The following DCTN1 variants were observed in gnomAD, a reference collection of about 807,000 sequenced individuals.
DCTN1 encodes the protein dynactin subunit 1, also known as 150 kDa dynein-associated polypeptide.
Under a neutral mutation model 161.2 loss-of-function variants are expected in DCTN1, and 61 were observed. The observed-to-expected ratio is 0.38, with a 90% confidence interval of 0.31 to 0.47. DCTN1 has a LOEUF of 0.47. Ranked by LOEUF, DCTN1 falls within the 20% of genes least tolerant of loss-of-function variation. The pLI, the probability that DCTN1 is intolerant of heterozygous loss-of-function variation, is 0.99. For missense variants in DCTN1, 1,404 were observed against 1,623.7 expected (o/e 0.86, Z 2.33); for synonymous variants, 653 against 632.4 (o/e 1.03, Z -0.49).
rs747769504 is a variant in DCTN1 at position 74,366,357 on chromosome 2, T to A, written c.2647A>T (p.Ser883Cys). ...TGGCGCAGACACTCATAGGGGCTGCTGGAGGGGGTCCCATAGATCTGCAGG... is the reference window on the plus strand; with the variant it reads ...TGGCGCAGACACTCATAGGGGCTGCAGGAGGGGGTCCCATAGATCTGCAGG... ...ASEQIYGTPS[S>C]SPYECLRQSC... is the part of the protein sequence containing the mutation. Residue 883 changes from serine to cysteine, a missense_variant, in exon 23 of 32, where the codon AGC becomes TGC. Ser to Cys is a moderately radical substitution (Grantham distance 112). Coordinates refer to ENST00000628224, the MANE Select transcript of DCTN1 (RefSeq NM_004082.5). 215 of 1,614,118 alleles carry A rather than the reference T, an allele frequency of 1.3e-4. No homozygotes were observed. The highest frequency in any genetic ancestry group is 1.8e-4 in the Non-Finnish European group (209 of 1,180,044).
rs912438521 is a variant in DCTN1, at chr2:74,369,069, G to A, written c.1701+29C>T. 2 of 1,607,638 alleles carry A rather than the reference G, an allele frequency of 1.2e-6. No homozygotes were observed. Among genetic ancestry groups the A allele is most frequent in the Non-Finnish European group, 8.5e-7 (1 of 1,174,682 alleles). Reference sequence around the variant, plus strand: ...CCCATACCAGTTCATCCCAGGCAGGGCTCCCTCAGACCCACACACTTTCCT... The same window carrying A: ...CCCATACCAGTTCATCCCAGGCAGGACTCCCTCAGACCCACACACTTTCCT... On this transcript the variant is annotated intron_variant, in intron 15 of 31. Transcript: ENST00000628224. This position sits in a 1 kb window ranked among gnomAD's most constrained non-coding sequence, Gnocchi z 4.9.
rs770626130 is a variant in DCTN1, at chr2:74,361,382, G to A, written c.*117C>T. ...TGAAAGGGTGGGAGTGAAGCTGAAC[G>A]GGGCAGGAAGAGCTTAACCCACGTT... On this transcript the variant is annotated 3_prime_UTR_variant, in exon 32 of 32. Coordinates refer to ENST00000628224, the MANE Select transcript of DCTN1 (RefSeq NM_004082.5). 4.2e-5 allele frequency: 61 copies of A among 1,441,542 alleles called. No homozygotes were observed. Among genetic ancestry groups the A allele is most frequent in the African/African-American group, 1.5e-4 (11 of 71,780 alleles). The allele number at this position is 1,441,542 out of a possible 1,614,324, so 89.3% of individuals were successfully genotyped here.
chr2:74,391,777 G>C (rs117496795), intron 1 of DCTN1: 1 of 453,524 alleles, frequency 2.2e-6, no homozygotes, highest in Non-Finnish European at 4.4e-6. Flanking sequence ...ACGGTTGGCA[G>C]AGTCGCGCCT....
chr2:74,370,087 T>A lies in DCTN1; in HGVS notation c.1288-18A>T. 1 of 1,614,002 alleles carries A rather than the reference T, an allele frequency of 6.2e-7. No individual in the cohort carries two copies. Among genetic ancestry groups the A allele is most frequent in the Non-Finnish European group, 8.5e-7 (1 of 1,179,980 alleles). On this transcript the variant is annotated intron_variant, in intron 12 of 31. Transcript: ENST00000628224. This position sits in a 1 kb window ranked among gnomAD's most constrained non-coding sequence, Gnocchi z 4.4. ...GCATCCACCTGTGTTACGGGGAGGA[T>A]AGGGAGAAGGGCTGCTGGAAGGTAC...
Position 74,370,112 on chromosome 2 carries a change from C to T in DCTN1, c.1288-43G>A. On this transcript the variant is annotated intron_variant, in intron 12 of 31. Coordinates refer to ENST00000628224, the MANE Select transcript of DCTN1 (RefSeq NM_004082.5). The surrounding 1 kb of genome is among the most constrained non-coding windows in gnomAD (Gnocchi z 4.4). ...TAGGGAGAAGGGCTGCTGGAAGGTA[C>T]CTAGAAAGAGGAGGCATCAACTGAT... is the stretch of plus-strand genomic sequence containing the variant. 6.2e-7 allele frequency: 1 copy of T among 1,614,092 alleles called. No homozygotes were observed.
At chr2:74,376,966 T>C (rs995824679) in intron 4 of DCTN1, among the ~76,000 whole-genome samples, 13 of 152,180 alleles carry the variant, frequency 8.5e-5, no homozygotes, top group African/African-American at 2.2e-4. Context: ...ACACACATCC[T>C]GCACAGAGTA....
chr2:74,369,476 T>C lies in DCTN1; in HGVS notation c.1408A>G (p.Met470Val), dbSNP rs1195325380. The change falls in exon 14 of 32, where the codon ATG becomes GTG. Residue 470 changes from methionine to valine, a missense_variant. Physicochemically the swap from Met to Val is conservative, Grantham distance 21. Coordinates refer to ENST00000628224, the MANE Select transcript of DCTN1 (RefSeq NM_004082.5). This position sits in a 1 kb window ranked among gnomAD's most constrained non-coding sequence, Gnocchi z 4.9. ...GCATTCTCCTGCAGCTCATCGTTCA[T>C]CTCATTCATCGCTTCCTAGGACACC... ...TVGDLEAMNE[M>V]NDELQENARE... 1.2e-6 allele frequency: 2 copies of C among 1,613,408 alleles called. No individual in the cohort carries two copies. Among genetic ancestry groups the C allele is most frequent in the Non-Finnish European group, 8.5e-7 (1 of 1,180,022 alleles).
At chr2:74,374,406 G>C (rs1675094396) in intron 5 of DCTN1, 66 bp from the exon 6 acceptor site, 2 of 1,609,672 alleles carry the variant, frequency 1.2e-6, no homozygotes, top group Non-Finnish European at 1.7e-6. Context: ...GAGGAGGATA[G>C]ACAAACACAC....
chr2:74,371,421 C>A, intron 8 of DCTN1, 116 bp downstream of exon 8: 5 of 1,285,106 alleles, frequency 3.9e-6, no homozygotes, highest in South Asian at 1.4e-5. Flanking sequence ...TATGTCCTCA[C>A]CCTTTCTGAT....
intron 1 of DCTN1, among the ~76,000 whole-genome samples, chr2:74,379,737 G>A (rs2103733633): frequency 6.6e-6 from 1 of 152,304 alleles, no homozygotes; most frequent in East Asian, 1.9e-4. Context: ...CCCCAGGATA[G>A]TCTGGACCCC....
chr2:74,369,843 G>T lies in DCTN1; in HGVS notation c.1392+122C>A. The T allele has an allele frequency of 1.1e-6, 1 of 934,452 alleles. No homozygotes were observed. Among genetic ancestry groups the T allele is most frequent in the Non-Finnish European group, 1.7e-6 (1 of 585,664 alleles). 57.9% of individuals were successfully genotyped at this position (934,452 alleles called of 1,614,324 possible). ...AAAAAAAAAAAAAAAAAAAGGCAGG[G>T]TCAGGGTAGCAAGCCCAGGCTGGGT... On this transcript the variant is annotated intron_variant, in intron 13 of 31. Coordinates refer to ENST00000628224, the MANE Select transcript of DCTN1 (RefSeq NM_004082.5). The surrounding 1 kb of genome is among the most constrained non-coding windows in gnomAD (Gnocchi z 4.9).
rs752493458 is a variant in DCTN1 at position 74,365,999 on chromosome 2, C to T, written c.2780G>A (p.Arg927Gln). The change falls in exon 24 of 32, where the codon CGG (arginine) becomes CAG (glutamine). Residue 927 changes from arginine (R) to glutamine (Q), a missense_variant. Arg to Gln is a conservative substitution (Grantham distance 43, BLOSUM62 1). Coordinates refer to ENST00000628224, the MANE Select transcript of DCTN1 (RefSeq NM_004082.5). ...GATCTCTGCACGAAGGGCAGCAGCC[C>T]GCAGTTCAACCGGTGGAGGCTAAGG... ...PPSKPPPVEL[R>Q]AAALRAEITD... 16 of 1,614,236 alleles carry T rather than the reference C, an allele frequency of 9.9e-6. No homozygotes were observed. The highest frequency in any genetic ancestry group is 4.4e-5 in the South Asian group (4 of 91,092).
chr2:74,361,986 G>C, intron 31 of DCTN1, 66 bp downstream of exon 31: 1 of 1,536,206 alleles, frequency 6.5e-7, no homozygotes, highest in Non-Finnish European at 9.0e-7. Flanking sequence ...CTCCAATTCT[G>C]GAGGAGAGGG....
At position 74,363,350 on chromosome 2, in the gene DCTN1, T is replaced by C. The variant is rs774583003; in HGVS notation, c.3289A>G (p.Ile1097Val). 1 of 1,613,064 alleles carries C rather than the reference T, an allele frequency of 6.2e-7. No individual in the cohort carries two copies. The highest frequency in any genetic ancestry group is 8.5e-7 in the Non-Finnish European group (1 of 1,179,614). The change falls in exon 28 of 32, where the codon ATC (isoleucine) becomes GTC (valine). Residue 1097 changes from isoleucine to valine, a missense_variant. This residue lies in a region of DCTN1 where 311 missense variants were observed against 298.9 expected (regional missense o/e 1.04). Transcript: ENST00000628224. ...GAGATGTGCAGCCTCATGGCAGAGA[T>C]CTGCTGAAGCAGCAGTGGTGAGTCC... ...VKDSPLLLQQ[I>V]SAMRLHISQL...
At chr2:74,385,545 A>G (rs1675688817) in intron 1 of DCTN1, 1 of 152,274 alleles carries the variant, frequency 6.6e-6, no homozygotes, top group South Asian at 2.1e-4. Flanking sequence ...CCACAGCCCT[A>G]TCGGCTGTAC....
chr2:74,382,798 C>T (rs569108065), upstream of DCTN1, among the ~76,000 whole-genome samples: 26 of 151,816 alleles, frequency 1.7e-4, no homozygotes, highest in Non-Finnish European at 2.9e-4. Context: ...GGAGGCCGGG[C>T]GCGGTGGCTC....
At chr2:74,374,426 A>C in intron 5 of DCTN1, 86 bp from the exon 6 acceptor site, 1 of 1,599,622 alleles carries the variant, frequency 6.3e-7, no homozygotes, top group Non-Finnish European at 8.5e-7. Flanking sequence ...CGGAGGAAGG[A>C]CAGACGAAGG....
chr2:74,388,747 G>A (rs552072998), intron 1 of DCTN1, among the ~76,000 whole-genome samples: 3 of 152,306 alleles, frequency 2.0e-5, no homozygotes, highest in African/African-American at 2.4e-5. Context: ...AGCACTCGGC[G>A]TAGGGCTTTG....
At chr2:74,381,669 G>A (rs532822753), upstream of DCTN1, among the ~76,000 whole-genome samples, 1 of 152,210 alleles carries the variant, frequency 6.6e-6, no homozygotes, top group African/African-American at 2.4e-5. Context: ...GTTGAGTACT[G>A]GTTCTAGACT....
Sources: allele counts gnomAD v4.1 joint callset (sites outside exome capture counted in the v4.1 genomes callset), GRCh38; gene constraint gnomAD v4.1.1; regional missense constraint gnomAD v4.1.1; non-coding constraint Gnocchi (gnomAD v3.1); transcripts MANE v1.5; gene names NCBI Gene and HGNC (gene_info 2026-07-23, HGNC 2026-07-21).